Variants in TTC23L observed in about 807,000 individuals in gnomAD.
The protein encoded by TTC23L is tetratricopeptide repeat protein 23-like.
TTC23L carries 42 observed loss-of-function variants against 48.1 expected under a neutral mutation model. The observed-to-expected ratio is 0.87, with a 90% confidence interval of 0.68 to 1.13. The LOEUF is 1.13. TTC23L is among the 50% of genes most tolerant of loss of function. TTC23L has a pLI of 0.00. For synonymous variants in TTC23L, 159 were observed against 157.2 expected, an observed-to-expected ratio of 1.01 and a Z score of -0.09; for missense variants, 391 against 421.0, an observed-to-expected ratio of 0.93 and a Z score of 0.62.
chr5:34,915,481 G>A, the TTC23L span: 3 of 415,800 alleles, frequency 7.2e-6, no homozygotes, highest in Non-Finnish European at 1.3e-5. Flanking sequence ...GAGCGAGGCG[G>A]CTCCGAGGAA....
At chr5:34,910,198 C>T in the TTC23L span, among the ~76,000 whole-genome samples, 2 of 152,144 alleles carry the variant, frequency 1.3e-5, no homozygotes, top group South Asian at 4.1e-4. Context: ...CTCCCTACCA[C>T]CAAATTGTTT....
intron 4 of TTC23L, among the ~76,000 whole-genome samples, chr5:34,854,892 A>G (rs1759995078): frequency 6.6e-6 from 1 of 152,190 alleles, no homozygotes; most frequent in Non-Finnish European, 1.5e-5. Flanking sequence ...TGTAAGGTAA[A>G]TGCCATGTAA....
At chr5:34,897,027 A>T (rs1763267195) in intron 10 of TTC23L, among the ~76,000 whole-genome samples, 152 bp downstream of exon 10, 1 of 152,136 alleles carries the variant, frequency 6.6e-6, no homozygotes, top group African/African-American at 2.4e-5. Context: ...AAAAAAACAA[A>T]AAAAACAGGT....
downstream of TTC23L, among the ~76,000 whole-genome samples, chr5:34,900,046 A>C (rs1360638918): frequency 6.6e-6 from 1 of 152,062 alleles, no homozygotes. Flanking sequence ...TATTCCTTTC[A>C]GTTCTGACTT....
At chr5:34,869,186 C>T (rs1761272012) in intron 8 of TTC23L, 173 bp downstream of exon 8, 4 of 543,966 alleles carry the variant, frequency 7.4e-6, no homozygotes, top group Non-Finnish European at 1.3e-5. Flanking sequence ...ATAATATACC[C>T]CCACATTCGT....
intron 9 of TTC23L, among the ~76,000 whole-genome samples, chr5:34,886,378 A>AAAC (rs1554022348): frequency 1.3e-5 from 2 of 151,752 alleles, no homozygotes; most frequent in African/African-American, 2.4e-5. Flanking sequence ...AAAAAAAAAA[A>AAAC]AAAAACGTTT....
chr5:34,850,379 G>A, intron 4 of TTC23L, 71 bp downstream of exon 4: 1 of 1,599,020 alleles, frequency 6.3e-7, no homozygotes, highest in East Asian at 2.2e-5. Context: ...CAACCTCAGT[G>A]AGGATGGGCA....
At chr5:34,898,858 A>G (rs912159790) in intron 10 of TTC23L, among the ~76,000 whole-genome samples, 3 of 152,178 alleles carry the variant, frequency 2.0e-5, no homozygotes, top group Admixed American at 6.5e-5. Flanking sequence ...AGAACACTTA[A>G]TAGTAACTGT....
At chr5:34,925,110 C>G in the TTC23L span, 386 of 1,440,462 alleles carry the variant, frequency 2.7e-4, 9 homozygotes, top group South Asian at 4.6e-3. Context: ...GGAAATTACT[C>G]CCTTTTTTCA....
At chr5:34,851,719 C>A (rs1466055605) in intron 4 of TTC23L, among the ~76,000 whole-genome samples, 1 of 152,208 alleles carries the variant, frequency 6.6e-6, no homozygotes, top group Non-Finnish European at 1.5e-5. Flanking sequence ...CTATTCCCAT[C>A]AGACTGATTT....
intron 8 of TTC23L, among the ~76,000 whole-genome samples, chr5:34,873,547 A>C (rs924123695): frequency 6.6e-6 from 1 of 152,194 alleles, no homozygotes; most frequent in African/African-American, 2.4e-5. Context: ...ATATGATGAA[A>C]GGGATAAAAA....
At chr5:34,888,412 G>A (rs1762663752) in intron 9 of TTC23L, 1 of 923,224 alleles carries the variant, frequency 1.1e-6, no homozygotes. Context: ...TAAGGTGCTT[G>A]CTATCTGATT....
chr5:34,844,429 A>G (rs1289205621), intron 2 of TTC23L, among the ~76,000 whole-genome samples: 6 of 124,712 alleles, frequency 4.8e-5, no homozygotes, highest in Non-Finnish European at 8.1e-5. Flanking sequence ...AGACCCAAAG[A>G]GTGAGCAGCA....
chr5:34,845,403 T>C (rs138496613), intron 2 of TTC23L, 84 bp from the exon 3 acceptor site: 115 of 1,376,850 alleles, frequency 8.4e-5, no homozygotes, highest in Non-Finnish European at 1.0e-4. Flanking sequence ...TATCCCCTAG[T>C]TGGGAGAGCT....
At chr5:34,880,601 T>C (rs1049884115) in intron 9 of TTC23L, 17 of 428,904 alleles carry the variant, frequency 4.0e-5, no homozygotes, top group South Asian at 3.1e-4. Context: ...CAAAAGAAAA[T>C]TGGCAGCCAT....
chr5:34,909,243 A>G, the TTC23L span: 1 of 1,547,538 alleles, frequency 6.5e-7, no homozygotes. Context: ...GACAACCTCT[A>G]TATTAAGAAC....
intron 4 of TTC23L, among the ~76,000 whole-genome samples, chr5:34,859,185 A>G (rs1760375006): frequency 6.6e-6 from 1 of 152,144 alleles, no homozygotes; most frequent in Non-Finnish European, 1.5e-5. Context: ...GGACCCAGGG[A>G]ACTGTCTGAA....
intron 3 of TTC23L, among the ~76,000 whole-genome samples, chr5:34,846,586 T>G (rs1232689028): frequency 1.2e-5 from 1 of 80,938 alleles, no homozygotes; most frequent in Non-Finnish European, 2.4e-5. Flanking sequence ...AATATATATA[T>G]ATATATATAT....
the TTC23L span, chr5:34,915,309 G>T: frequency 3.7e-6 from 1 of 273,390 alleles, no homozygotes; most frequent in Non-Finnish European, 7.0e-6. Context: ...GGCGGGCCCG[G>T]AGTGTCCAGA....
Sources: allele counts gnomAD v4.1 joint callset (sites outside exome capture counted in the v4.1 genomes callset), GRCh38; gene constraint gnomAD v4.1.1; transcripts MANE v1.5; gene names NCBI Gene and HGNC (gene_info 2026-07-23, HGNC 2026-07-21).